Variants in PNPT1 observed in about 807,000 individuals in gnomAD.
PNPT1 encodes the protein polyribonucleotide nucleotidyltransferase 1, mitochondrial.
A neutral mutation model predicts 119.5 loss-of-function variants in PNPT1; 53 were observed. The ratio of observed to expected loss-of-function variants is 0.44; its 90% CI spans 0.36 to 0.56. The LOEUF is 0.56. PNPT1 is among the 20% of genes least tolerant of loss of function. The pLI, the probability that PNPT1 is intolerant of heterozygous loss-of-function variation, is 0.00. For synonymous variants in PNPT1, 357 were observed against 322.1 expected (o/e 1.11, Z -1.16); for missense variants, 948 against 938.5 (o/e 1.01, Z -0.13).
chr2:55,650,572 AG>A (rs1440924175), intron 18 of PNPT1, among the ~76,000 whole-genome samples: 1 of 151,000 alleles, frequency 6.6e-6, no homozygotes, highest in African/African-American at 2.4e-5. Context: ...CACCCCGTCT[AG>A]GAAGTGAGGA....
intron 8 of PNPT1, 139 bp downstream of exon 8, chr2:55,679,543 C>G (rs1326981863): frequency 1.7e-6 from 1 of 580,340 alleles, no homozygotes; most frequent in East Asian, 3.2e-5. Context: ...AGCAAGAGCA[C>G]AAAAATAGGA....
At chr2:55,640,178 A>G (rs1280185140) in intron 26 of PNPT1, among the ~76,000 whole-genome samples, 2 of 151,774 alleles carry the variant, frequency 1.3e-5, no homozygotes, top group South Asian at 2.1e-4. Context: ...TTTTTGAGAC[A>G]AAGTCTCACT....
Position 55,645,962 on chromosome 2 carries a change from G to A in PNPT1, c.1738+297C>T, listed in dbSNP as rs1478089163. Among the ~76,000 whole-genome samples the A allele has an allele frequency of 5.3e-5, 8 of 152,050 alleles. No individual in the cohort carries two copies. In the East Asian group the frequency reaches 1.5e-3, roughly 29 times the overall value. Reference sequence around the variant, plus strand: ...CTTGTCTCAGCCTCCTGAGTAGCTGGGATTACAGGTATGCACCACCATGCC... The same window carrying A: ...CTTGTCTCAGCCTCCTGAGTAGCTGAGATTACAGGTATGCACCACCATGCC... On this transcript the variant is annotated intron_variant, in intron 21 of 27. Transcript: ENST00000447944.
intron 14 of PNPT1, among the ~76,000 whole-genome samples, chr2:55,661,432 T>C (rs974660738): frequency 3.3e-5 from 5 of 152,126 alleles, no homozygotes; most frequent in Non-Finnish European, 5.9e-5. Flanking sequence ...TGATTTGGCC[T>C]GCAATAAAGA....
At chr2:55,676,857 G>C (rs1399230153) in intron 8 of PNPT1, among the ~76,000 whole-genome samples, 1 of 145,972 alleles carries the variant, frequency 6.9e-6, no homozygotes, top group Admixed American at 6.8e-5. Flanking sequence ...GAGAGACCTG[G>C]TCTCCAAAAA....
At chr2:55,692,135 T>G (rs928569814) in intron 1 of PNPT1, among the ~76,000 whole-genome samples, 3 of 152,002 alleles carry the variant, frequency 2.0e-5, no homozygotes, top group Non-Finnish European at 2.9e-5. Context: ...TCCACCCACC[T>G]CAGCCTCCCA....
chr2:55,660,231 G>GA (rs1388317665), intron 14 of PNPT1, 38 bp from the exon 15 acceptor site: 1 of 1,523,148 alleles, frequency 6.6e-7, no homozygotes, highest in Non-Finnish European at 8.8e-7. Flanking sequence ...ACATCATAGG[G>GA]AAAAAACATA....
At chr2:55,673,785 C>A (rs1696984250) in intron 8 of PNPT1, among the ~76,000 whole-genome samples, 1 of 152,022 alleles carries the variant, frequency 6.6e-6, no homozygotes, top group Admixed American at 6.6e-5. Context: ...ATGTCCTTTT[C>A]TGTGAACTGT....
intron 13 of PNPT1, 74 bp from the exon 14 acceptor site, chr2:55,662,100 T>C: frequency 8.0e-7 from 1 of 1,255,052 alleles, no homozygotes; most frequent in Non-Finnish European, 1.1e-6. Flanking sequence ...ACTTGAAGAA[T>C]CCAACTAACT....
chr2:55,664,392 G>A (rs1696670875), intron 13 of PNPT1, among the ~76,000 whole-genome samples: 1 of 152,094 alleles, frequency 6.6e-6, no homozygotes, highest in African/African-American at 2.4e-5. Flanking sequence ...GCGGGAGCCC[G>A]GGAATTCAAG....
In PNPT1 at chr2:55,687,636, A is replaced by AC; in HGVS notation, c.222+8dup. On this transcript the variant is annotated intron_variant, in intron 2 of 27. Transcript: ENST00000447944. ...TTTAAGATGAATTTTAAAAATCTGG[A>AC]CTTTTTACCTGTACTACAGCAGAGC... 2 of 1,562,234 alleles carry AC rather than the reference A, an allele frequency of 1.3e-6. No individual in the cohort carries two copies. The highest frequency in any genetic ancestry group is 1.7e-6 in the Non-Finnish European group (2 of 1,159,170).
intron 27 of PNPT1, among the ~76,000 whole-genome samples, 184 bp from the exon 28 acceptor site, chr2:55,636,576 GAA>G (rs1160316700): frequency 6.6e-6 from 1 of 152,180 alleles, no homozygotes; most frequent in Non-Finnish European, 1.5e-5. Context: ...TTATAAAAGA[GAA>G]AAGAGACGGG....
In PNPT1 at chr2:55,660,212, A is replaced by G. The variant is rs773721561; in HGVS notation, c.1248-19T>C. 1.3e-6 allele frequency: 2 copies of G among 1,576,664 alleles called. No individual in the cohort carries two copies. Among genetic ancestry groups the G allele is most frequent in the Non-Finnish European group, 1.7e-6 (2 of 1,159,984 alleles). ...TATCCCACTAAAAATAAAAGGCATA[A>G]TATTAAAAACATCATAGGGAAAAAA... On this transcript the variant is annotated intron_variant, in intron 14 of 27. Transcript: ENST00000447944.
At chr2:55,680,263 T>G (rs774576646) in intron 7 of PNPT1, among the ~76,000 whole-genome samples, 2 of 152,184 alleles carry the variant, frequency 1.3e-5, no homozygotes, top group Non-Finnish European at 2.9e-5. Flanking sequence ...GATCAAGAAC[T>G]GCATCTTTCA....
intron 14 of PNPT1, among the ~76,000 whole-genome samples, chr2:55,660,836 A>G (rs574636330): frequency 6.6e-6 from 1 of 152,324 alleles, no homozygotes; most frequent in African/African-American, 2.4e-5. Flanking sequence ...GACCAAGCCC[A>G]GTGTTCTGCA....
intron 8 of PNPT1, among the ~76,000 whole-genome samples, chr2:55,675,821 T>C (rs1429040860): frequency 6.6e-6 from 1 of 152,174 alleles, no homozygotes; most frequent in Admixed American, 6.5e-5. Context: ...TAGACAAAAT[T>C]AAAATTTTGG....
chr2:55,686,492 T>A (rs1249124321), intron 2 of PNPT1, 48 bp from the exon 3 acceptor site: 1 of 1,444,998 alleles, frequency 6.9e-7, no homozygotes, highest in East Asian at 2.3e-5. Context: ...AATCAGATAT[T>A]AGCATCTAAG....
rs746885617 is a variant in PNPT1, at chr2:55,683,853, A to AT, written c.404-20_404-19insA. Reference sequence around the variant, plus strand: ...GAACGATCTGCCAAAAGAAAAAAAAACACATTAAACCGTACTGACAGAGTT... The same window carrying AT: ...GAACGATCTGCCAAAAGAAAAAAAAATCACATTAAACCGTACTGACAGAGTT... On this transcript the variant is annotated intron_variant, in intron 4 of 27. Transcript: ENST00000447944. 6.2e-7 allele frequency: 1 copy of AT among 1,612,248 alleles called. No individual in the cohort carries two copies. Among genetic ancestry groups the AT allele is most frequent in the Non-Finnish European group, 8.5e-7 (1 of 1,178,524 alleles).
chr2:55,674,324 T>G (rs956316121), intron 8 of PNPT1, among the ~76,000 whole-genome samples: 1 of 152,198 alleles, frequency 6.6e-6, no homozygotes, highest in South Asian at 2.1e-4. Context: ...CTGAGCGTGG[T>G]GGCTCACACC....
Sources: allele counts gnomAD v4.1 joint callset (sites outside exome capture counted in the v4.1 genomes callset), GRCh38; gene constraint gnomAD v4.1.1; transcripts MANE v1.5; gene names NCBI Gene and HGNC (gene_info 2026-07-23, HGNC 2026-07-21).